Variants in SAMD3 observed in about 807,000 individuals in gnomAD.
SAMD3 encodes sterile alpha motif domain containing 3, also known as sterile alpha motif domain-containing protein 3.
In SAMD3, 63 loss-of-function variants were observed where a neutral mutation model predicts 58.5. That is an observed-to-expected ratio of 1.08 (90% confidence interval 0.88 to 1.33). SAMD3 has a LOEUF of 1.33. SAMD3 is among the 40% of genes most tolerant of loss of function. SAMD3 has a pLI of 0.00. For synonymous variants in SAMD3, 220 were observed against 210.3 expected (o/e 1.05, Z -0.40); for missense variants, 604 against 608.4 (o/e 0.99, Z 0.08).
chr6:130,241,682 G>A (rs1163586619), intron 2 of SAMD3, among the ~76,000 whole-genome samples: 2 of 151,888 alleles, frequency 1.3e-5, no homozygotes, highest in East Asian at 1.9e-4. Context: ...ATACTAATAT[G>A]AACACAACTT....
At chr6:130,339,757 T>C (rs940741063) in intron 1 of SAMD3, among the ~76,000 whole-genome samples, 2 of 152,120 alleles carry the variant, frequency 1.3e-5, no homozygotes, top group Non-Finnish European at 2.9e-5. Context: ...TTTCAGAAAA[T>C]AGGACTTGCA....
rs1421154257 is a variant in SAMD3, at chr6:130,184,625, T to G, written c.384-2A>C. The G allele has an allele frequency of 6.2e-7, 1 of 1,600,534 alleles. No individual in the cohort carries two copies. Among genetic ancestry groups the G allele is most frequent in the South Asian group, 1.1e-5 (1 of 89,502 alleles). ...GCTAGAATTTGTTTCACATTTCTTC[T>G]GTGAAATAAAAACACACAAAGAATG... On this transcript the variant is annotated splice_acceptor_variant, in intron 5 of 11. Transcript: ENST00000439090. LOFTEE classifies it high-confidence loss of function.
chr6:130,193,824 G>T (rs996978429), intron 5 of SAMD3, among the ~76,000 whole-genome samples: 1 of 152,132 alleles, frequency 6.6e-6, no homozygotes, highest in African/African-American at 2.4e-5. Flanking sequence ...ACGGTCTGAG[G>T]TGCCTGATGT....
chr6:130,205,154 T>TAAAA lies in SAMD3; in HGVS notation c.383+4337_383+4340dup, dbSNP rs10680576. Among the ~76,000 whole-genome samples the TAAAA allele has an allele frequency of 4.8e-3, 658 of 138,194 alleles. 4 individuals are homozygous for TAAAA. Among genetic ancestry groups the TAAAA allele is most frequent in the African/African-American group, 0.017 (621 of 37,176 alleles). The allele number at this position is 138,194 out of a possible 152,430, so 90.7% of individuals were successfully genotyped here. ...TATAGAGCCCTGGAGTTTGGCTCTGTAAAAAAAAAAAAAAAAAATTAGTAT... is the reference window on the plus strand; with the variant it reads ...TATAGAGCCCTGGAGTTTGGCTCTGTAAAAAAAAAAAAAAAAAAAAAATTAGTAT... On this transcript the variant is annotated intron_variant, in intron 5 of 11. Transcript: ENST00000439090.
intron 9 of SAMD3, 69 bp from the exon 10 acceptor site, chr6:130,146,250 T>C (rs1788619148): frequency 2.0e-6 from 2 of 987,074 alleles, no homozygotes; most frequent in South Asian, 2.9e-5. Flanking sequence ...TGTAAAGACA[T>C]AAAACCTTTA....
In SAMD3 at chr6:130,358,002, T is replaced by G. The variant is rs187580970; in HGVS notation, c.-304+7118A>C. 2.6e-5 allele frequency among the ~76,000 whole-genome samples: 4 copies of G among 152,352 alleles called. No individual in the cohort carries two copies. In the East Asian group the frequency reaches 7.7e-4, roughly 29 times the overall value. On this transcript the variant is annotated intron_variant, in intron 1 of 13. Coordinates refer to the SAMD3 transcript ENST00000368134. ...AGGAAAGGAAATACTAAATTAGGTATAAGACTAGTGAGTAGAGTTAATTTC... is the reference window on the plus strand; with the variant it reads ...AGGAAAGGAAATACTAAATTAGGTAGAAGACTAGTGAGTAGAGTTAATTTC...
intron 1 of SAMD3, among the ~76,000 whole-genome samples, chr6:130,336,975 G>A (rs1450342454): frequency 1.2e-4 from 19 of 152,194 alleles, no homozygotes; most frequent in Admixed American, 1.2e-3. Context: ...AACGCCACCA[G>A]CAAAGATTGT....
intron 1 of SAMD3, among the ~76,000 whole-genome samples, chr6:130,358,141 C>T (rs1777888451): frequency 6.6e-6 from 1 of 152,142 alleles, no homozygotes; most frequent in Non-Finnish European, 1.5e-5. Flanking sequence ...GCAGAAGAAT[C>T]TAAGTAGATA....
chr6:130,228,887 T>A (rs1796460211), intron 2 of SAMD3, among the ~76,000 whole-genome samples: 1 of 152,176 alleles, frequency 6.6e-6, no homozygotes, highest in South Asian at 2.1e-4. Flanking sequence ...TCCTTGCCAT[T>A]GGGAAGGAAT....
At chr6:130,182,640 GAGGA>G (rs746725885) in intron 7 of SAMD3, among the ~76,000 whole-genome samples, 102 of 148,806 alleles carry the variant, frequency 6.9e-4, no homozygotes, top group African/African-American at 2.1e-3. Context: ...GGAGGGGAGG[GAGGA>G]AGGAAGGAAG....
chr6:130,343,350 C>T (rs1439764155), intron 1 of SAMD3, among the ~76,000 whole-genome samples: 1 of 152,024 alleles, frequency 6.6e-6, no homozygotes, highest in Non-Finnish European at 1.5e-5. Flanking sequence ...ACACACACTT[C>T]ATTGCCAGTA....
At chr6:130,198,201 C>G (rs1012592025) in intron 5 of SAMD3, among the ~76,000 whole-genome samples, 6 of 152,120 alleles carry the variant, frequency 3.9e-5, no homozygotes, top group Admixed American at 6.5e-5. Flanking sequence ...GTTTGGTGGT[C>G]TCTTCACACG....
At chr6:130,323,011 C>A (rs899276) in intron 1 of SAMD3, among the ~76,000 whole-genome samples, 67,332 of 152,006 alleles carry the variant, frequency 0.44, 17,114 homozygotes, top group African/African-American at 0.7. Flanking sequence ...CAGACAAGGA[C>A]TATCATGCAA....
chr6:130,326,288 T>C (rs1362772177), intron 1 of SAMD3, among the ~76,000 whole-genome samples: 1 of 152,116 alleles, frequency 6.6e-6, no homozygotes, highest in Non-Finnish European at 1.5e-5. Context: ...GAGCTGATTA[T>C]GTCTCCTGCC....
At chr6:130,282,656 A>AG (rs1279013972) in intron 2 of SAMD3, among the ~76,000 whole-genome samples, 1 of 152,194 alleles carries the variant, frequency 6.6e-6, no homozygotes, top group Non-Finnish European at 1.5e-5. Flanking sequence ...TAAGAAAAAA[A>AG]AAATCTACTC....
intron 2 of SAMD3, among the ~76,000 whole-genome samples, chr6:130,284,282 G>T (rs1050060457): frequency 1.3e-5 from 2 of 152,132 alleles, no homozygotes; most frequent in African/African-American, 2.4e-5. Context: ...TTAGAAGAAG[G>T]TTAGAATTAT....
intron 5 of SAMD3, among the ~76,000 whole-genome samples, chr6:130,191,622 TC>T (rs1259765263): frequency 7.3e-6 from 1 of 136,598 alleles, no homozygotes; most frequent in Non-Finnish European, 1.6e-5. Context: ...GTTGCTTCCT[TC>T]CTTTTTTTTT....
intron 2 of SAMD3, among the ~76,000 whole-genome samples, chr6:130,265,165 A>G (rs9492516): frequency 0.14 from 22,000 of 152,246 alleles, 4,216 homozygotes; most frequent in African/African-American, 0.44. Context: ...ATTGAAGTTT[A>G]CAACACCCTA....
chr6:130,288,463 A>T (rs1258520471), intron 2 of SAMD3, among the ~76,000 whole-genome samples: 1 of 152,132 alleles, frequency 6.6e-6, no homozygotes, highest in Non-Finnish European at 1.5e-5. Context: ...ATCTGAAAAA[A>T]AATAGCTTCA....
Sources: allele counts gnomAD v4.1 joint callset (sites outside exome capture counted in the v4.1 genomes callset), GRCh38; gene constraint gnomAD v4.1.1; transcripts MANE v1.5; gene names NCBI Gene and HGNC (gene_info 2026-07-23, HGNC 2026-07-21).